The following CIMAP3 variants were observed in gnomAD, a reference collection of about 807,000 sequenced individuals.
CIMAP3 encodes ciliary microtubule-associated protein 3.
the CIMAP3 span, among the ~76,000 whole-genome samples, chr1:111,328,343 T>C: frequency 6.6e-6 from 1 of 152,162 alleles, no homozygotes; most frequent in Non-Finnish European, 1.5e-5. Flanking sequence ...AGATAGAGAG[T>C]TCTGTAAAGG....
the CIMAP3 span, among the ~76,000 whole-genome samples, chr1:111,336,568 C>T: frequency 8.0e-3 from 1,207 of 151,814 alleles, 14 homozygotes; most frequent in African/African-American, 0.027. Flanking sequence ...ACTCAGGAGC[C>T]GATGCAATCA....
At chr1:111,348,626 A>G in the CIMAP3 span, 1 of 1,605,112 alleles carries the variant, frequency 6.2e-7, no homozygotes, top group Non-Finnish European at 8.5e-7. Flanking sequence ...AGAACTACCC[A>G]AAGGACACTT....
chr1:111,345,242 C>G, the CIMAP3 span, among the ~76,000 whole-genome samples: 2 of 152,200 alleles, frequency 1.3e-5, no homozygotes, highest in Admixed American at 6.5e-5. Context: ...TTTAAGTAGA[C>G]AAAATGCTTG....
At chr1:111,330,838 T>A in the CIMAP3 span, among the ~76,000 whole-genome samples, 2,371 of 152,256 alleles carry the variant, frequency 0.016, 32 homozygotes, top group Non-Finnish European at 0.025. Flanking sequence ...GGATGGAGGG[T>A]CTGTGCTGTG....
At chr1:111,331,295 T>C in the CIMAP3 span, among the ~76,000 whole-genome samples, 12 of 152,284 alleles carry the variant, frequency 7.9e-5, no homozygotes, top group Admixed American at 5.2e-4. Context: ...TTTAAATATG[T>C]TTCCCTCACA....
At chr1:111,347,395 C>T in the CIMAP3 span, among the ~76,000 whole-genome samples, 5 of 152,090 alleles carry the variant, frequency 3.3e-5, no homozygotes, top group African/African-American at 4.8e-5. Context: ...TGTGGGGCTC[C>T]GAAGACTGAT....
At chr1:111,333,588 A>G in the CIMAP3 span, among the ~76,000 whole-genome samples, 13 of 151,982 alleles carry the variant, frequency 8.6e-5, no homozygotes, top group African/African-American at 3.1e-4. Context: ...GACTGGTGGG[A>G]ATCTTCTGCT....
At chr1:111,337,625 C>A in the CIMAP3 span, among the ~76,000 whole-genome samples, 4 of 152,222 alleles carry the variant, frequency 2.6e-5, no homozygotes, top group Admixed American at 6.5e-5. Flanking sequence ...GTCAAGGGAT[C>A]AATTCAACAA....
the CIMAP3 span, chr1:111,351,210 A>G: frequency 9.0e-7 from 1 of 1,109,386 alleles, no homozygotes; most frequent in African/African-American, 1.6e-5. Flanking sequence ...GACCAGAGGC[A>G]GAGGGTTCTC....
At chr1:111,333,416 A>G in the CIMAP3 span, among the ~76,000 whole-genome samples, 1 of 152,150 alleles carries the variant, frequency 6.6e-6, no homozygotes, top group Non-Finnish European at 1.5e-5. Context: ...AGATGGCTCC[A>G]TGCTGCAGCA....
chr1:111,337,479 C>T, the CIMAP3 span, among the ~76,000 whole-genome samples: 1 of 151,792 alleles, frequency 6.6e-6, no homozygotes, highest in Non-Finnish European at 1.5e-5. Context: ...CACACATAGG[C>T]TCAAAATAAA....
the CIMAP3 span, chr1:111,349,560 A>T: frequency 1.9e-4 from 29 of 152,590 alleles, no homozygotes; most frequent in African/African-American, 6.7e-4. Flanking sequence ...TTAAGGAAGT[A>T]GAAGCATTGA....
At chr1:111,340,490 GAACGCA>G in the CIMAP3 span, among the ~76,000 whole-genome samples, 4 of 150,960 alleles carry the variant, frequency 2.6e-5, no homozygotes, top group African/African-American at 9.9e-5. Flanking sequence ...AATCTACAAT[GAACGCA>G]AACAAATTTA....
chr1:111,334,829 T>A, the CIMAP3 span, among the ~76,000 whole-genome samples: 8 of 152,222 alleles, frequency 5.3e-5, no homozygotes, highest in African/African-American at 1.9e-4. Context: ...AGATGGATTA[T>A]TTGAAAATAA....
the CIMAP3 span, among the ~76,000 whole-genome samples, chr1:111,332,891 G>T: frequency 6.6e-6 from 1 of 152,202 alleles, no homozygotes; most frequent in Non-Finnish European, 1.5e-5. Context: ...CAGTCCTGGG[G>T]CATAGATACA....
the CIMAP3 span, among the ~76,000 whole-genome samples, chr1:111,334,569 C>T: frequency 1.3e-5 from 2 of 152,310 alleles, no homozygotes; most frequent in Admixed American, 6.5e-5. Flanking sequence ...ACTGACCCTA[C>T]TGAGACAGGA....
At chr1:111,335,068 C>T in the CIMAP3 span, among the ~76,000 whole-genome samples, 1 of 120,752 alleles carries the variant, frequency 8.3e-6, no homozygotes, top group Non-Finnish European at 1.6e-5. Context: ...GAGGAGGTTG[C>T]AGTGAGCTGA....
At chr1:111,346,560 T>C in the CIMAP3 span, 7 of 1,593,274 alleles carry the variant, frequency 4.4e-6, no homozygotes, top group Non-Finnish European at 6.0e-6. Context: ...TCGGGCCCTC[T>C]CCCCCTCCCC....
chr1:111,339,042 G>C, the CIMAP3 span, among the ~76,000 whole-genome samples: 1 of 152,142 alleles, frequency 6.6e-6, no homozygotes, highest in African/African-American at 2.4e-5. Flanking sequence ...ATGCAAGGCT[G>C]GTTCAATATA....
Sources: gnomAD v4.1 joint callset for allele counts (sites outside exome capture counted in the v4.1 genomes callset) on GRCh38, gnomAD v4.1.1 for gene constraint, MANE v1.5 for transcripts, NCBI Gene and HGNC (gene_info 2026-07-23, HGNC 2026-07-21) for gene names.